PSMB2: variants seen among roughly 807,000 people sequenced by gnomAD.
The protein encoded by PSMB2 is proteasome 20S subunit beta 2, also known as proteasome subunit beta type-2.
Under a neutral mutation model 25.7 loss-of-function variants are expected in PSMB2, and 13 were observed. That is an observed-to-expected ratio of 0.51 (90% CI 0.33 to 0.80). PSMB2 has a LOEUF of 0.80. PSMB2 is among the 30% of genes least tolerant of loss of function. The pLI is 0.02. For missense variants in PSMB2, 202 were observed against 259.0 expected (o/e 0.78, Z 1.51); for synonymous variants, 87 against 96.2 (o/e 0.90, Z 0.56).
chr1:35,626,920 AG>A (rs1650880415), intron 3 of PSMB2, among the ~76,000 whole-genome samples: 1 of 152,156 alleles, frequency 6.6e-6, no homozygotes, highest in Non-Finnish European at 1.5e-5. Context: ...TAAGAACAAA[AG>A]TTGATTTAGC....
intron 2 of PSMB2, among the ~76,000 whole-genome samples, chr1:35,632,367 T>C (rs193255444): frequency 2.6e-5 from 4 of 152,308 alleles, no homozygotes; most frequent in African/African-American, 9.6e-5. Context: ...GAATGATCCA[T>C]AACTCAGTGG....
chr1:35,629,750 C>T (rs574555457), intron 3 of PSMB2, among the ~76,000 whole-genome samples: 3 of 150,724 alleles, frequency 2.0e-5, no homozygotes, highest in Admixed American at 6.6e-5. Flanking sequence ...GTTGAGGCTT[C>T]AGTAAGCTGA....
intron 3 of PSMB2, among the ~76,000 whole-genome samples, chr1:35,610,903 CT>C (rs1216055622): frequency 1.3e-5 from 2 of 152,200 alleles, no homozygotes; most frequent in African/African-American, 4.8e-5. Flanking sequence ...GGTATCCTTT[CT>C]TTGTATTACC....
At chr1:35,639,972 G>A (rs1651345609) in intron 1 of PSMB2, among the ~76,000 whole-genome samples, 1 of 152,092 alleles carries the variant, frequency 6.6e-6, no homozygotes, top group Non-Finnish European at 1.5e-5. Context: ...AGGGCACGGA[G>A]TTAGAGAAAT....
At chr1:35,608,876 T>C (rs1260388295) in intron 4 of PSMB2, among the ~76,000 whole-genome samples, 1 of 152,186 alleles carries the variant, frequency 6.6e-6, no homozygotes, top group African/African-American at 2.4e-5. Flanking sequence ...CATTCTTTAC[T>C]GAGATGCCAA....
chr1:35,599,658 T>G lies in PSMB2; in HGVS notation c.*3609A>C. 1 of 984,922 alleles carries G rather than the reference T, an allele frequency of 1.0e-6. No homozygotes were observed. Among genetic ancestry groups the G allele is most frequent in the Non-Finnish European group, 1.2e-6 (1 of 829,484 alleles). The allele number at this position is 984,922 out of a possible 1,614,324, so 61.0% of individuals were successfully genotyped here. A position where few individuals can be genotyped will look rare whatever the true frequency, so the allele number is the denominator to read the frequency against. On this transcript the variant is annotated 3_prime_UTR_variant, in exon 6 of 6. Transcript: ENST00000373237. Reference sequence around the variant, plus strand: ...AATCAAAGAATTGGGCTTTATTCTCTTAAGCCATGGAAAACCACCAGAAAG... The same window carrying G: ...AATCAAAGAATTGGGCTTTATTCTCGTAAGCCATGGAAAACCACCAGAAAG...
chr1:35,618,903 G>C (rs1036045695), intron 3 of PSMB2, among the ~76,000 whole-genome samples: 17 of 152,164 alleles, frequency 1.1e-4, no homozygotes, highest in African/African-American at 4.1e-4. Flanking sequence ...ATTTTTTGTA[G>C]CACTAAAAAA....
At chr1:35,628,596 A>AAAATATATATATATAT (rs59538661) in intron 3 of PSMB2, among the ~76,000 whole-genome samples, 5 of 25,096 alleles carry the variant, frequency 2.0e-4, no homozygotes, top group Non-Finnish European at 3.0e-4. Context: ...AAAAAAAAAA[A>AAAATATATATATATAT]ATATATATAT....
rs751788380 is a variant in PSMB2 at position 35,601,342 on chromosome 1, G to A, written c.*1925C>T. ...CGCCTCGGCGGGCGGCCAAAGTGCT[G>A]GGATTACAGGCATGAGCCACCGCAC... On this transcript the variant is annotated 3_prime_UTR_variant, in exon 6 of 6. Coordinates refer to ENST00000373237, the MANE Select transcript of PSMB2 (RefSeq NM_002794.5). 6.1e-6 allele frequency: 6 copies of A among 980,844 alleles called. No homozygotes were observed. Among genetic ancestry groups the A allele is most frequent in the Middle Eastern group, 5.2e-4 (1 of 1,910 alleles). 60.8% of individuals were successfully genotyped at this position (980,844 alleles called of 1,614,324 possible). A position where few individuals can be genotyped will look rare whatever the true frequency, so the allele number is the denominator to read the frequency against.
chr1:35,632,593 C>T (rs931741177), intron 2 of PSMB2, among the ~76,000 whole-genome samples: 4 of 152,174 alleles, frequency 2.6e-5, no homozygotes, highest in Non-Finnish European at 4.4e-5. Flanking sequence ...CATATTAAAT[C>T]ATAATGAAAG....
At position 35,601,257 on chromosome 1, in the gene PSMB2, G is replaced by C; in HGVS notation, c.*2010C>G. 1 of 640,556 alleles carries C rather than the reference G, an allele frequency of 1.6e-6. No homozygotes were observed. Among genetic ancestry groups the C allele is most frequent in the Non-Finnish European group, 1.9e-6 (1 of 515,860 alleles). The allele number at this position is 640,556 out of a possible 1,614,324, so 39.7% of individuals were successfully genotyped here. On this transcript the variant is annotated 3_prime_UTR_variant, in exon 6 of 6. Coordinates refer to ENST00000373237, the MANE Select transcript of PSMB2 (RefSeq NM_002794.5). ...AATTGTTATATATTTTTTTAGTAGA[G>C]ATGGGGTTTCACCATGTTGGCCAGG... is the stretch of plus-strand genomic sequence containing the variant.
intron 3 of PSMB2, among the ~76,000 whole-genome samples, chr1:35,610,032 C>T (rs1330985396): frequency 2.6e-5 from 4 of 152,152 alleles, no homozygotes; most frequent in East Asian, 1.9e-4. Context: ...TCTGAGAATG[C>T]CAGGCCACTG....
At chr1:35,624,014 G>C (rs1021534094) in intron 3 of PSMB2, among the ~76,000 whole-genome samples, 4 of 152,118 alleles carry the variant, frequency 2.6e-5, no homozygotes, top group Non-Finnish European at 5.9e-5. Context: ...CAAAGCAACA[G>C]GTTTCTTCTA....
chr1:35,616,744 A>AT (rs2148567577), intron 3 of PSMB2, among the ~76,000 whole-genome samples: 1 of 152,282 alleles, frequency 6.6e-6, no homozygotes, highest in East Asian at 1.9e-4. Context: ...ATCAATTGTT[A>AT]TTTTCTTACA....
At chr1:35,625,631 G>A (rs551473245) in intron 3 of PSMB2, among the ~76,000 whole-genome samples, 6 of 151,592 alleles carry the variant, frequency 4.0e-5, no homozygotes, top group East Asian at 4.0e-4. Context: ...GCATGGTGAC[G>A]GGCGCCTGTA....
chr1:35,633,208 G>A (rs1285689068), intron 2 of PSMB2, among the ~76,000 whole-genome samples: 1 of 147,960 alleles, frequency 6.8e-6, no homozygotes, highest in Non-Finnish European at 1.5e-5. Context: ...GCAACAGAAC[G>A]AGACCCTGAC....
In PSMB2 at chr1:35,625,249, C is replaced by T. The variant is rs182914896; in HGVS notation, c.285+6025G>A. The stretch of plus-strand genomic sequence containing the variant: ...ATTACCAAAGGCTCATGAAACACTT[C>T]GGAAAAAGTTCTAATGAAAACTCTT... On this transcript the variant is annotated intron_variant, in intron 3 of 5. Coordinates refer to ENST00000373237, the MANE Select transcript of PSMB2 (RefSeq NM_002794.5). 3.9e-5 allele frequency among the ~76,000 whole-genome samples: 6 copies of T among 152,236 alleles called. No homozygotes were observed. In the East Asian group the frequency reaches 1.2e-3, roughly 29 times the overall value.
At chr1:35,604,118 C>G (rs367796748) in intron 5 of PSMB2, among the ~76,000 whole-genome samples, 2 of 151,890 alleles carry the variant, frequency 1.3e-5, no homozygotes, top group Non-Finnish European at 2.9e-5. Context: ...TTACTCCCAA[C>G]GCTCCTGCTC....
At chr1:35,608,649 A>G (rs1650241609) in intron 4 of PSMB2, among the ~76,000 whole-genome samples, 1 of 152,226 alleles carries the variant, frequency 6.6e-6, no homozygotes, top group Non-Finnish European at 1.5e-5. Context: ...GCATCCCTGT[A>G]TCTGAAGTTT....
Sources: allele counts gnomAD v4.1 joint callset (sites outside exome capture counted in the v4.1 genomes callset), GRCh38; gene constraint gnomAD v4.1.1; transcripts MANE v1.5; gene names NCBI Gene and HGNC (gene_info 2026-07-23, HGNC 2026-07-21).